The following NFIA variants were observed in gnomAD, a reference collection of about 807,000 sequenced individuals.
NFIA encodes nuclear factor 1 A-type.
A neutral mutation model predicts 62.8 loss-of-function variants in NFIA; 8 were observed. The observed-to-expected ratio is 0.13, with a 90% confidence interval of 0.07 to 0.23. NFIA has a LOEUF of 0.23. NFIA is among the 10% of genes least tolerant of loss of function. The pLI is 1.00. For missense variants in NFIA, 410 were observed against 642.1 expected (o/e 0.64, Z 3.91); for synonymous variants, 235 against 238.1 (o/e 0.99, Z 0.12).
intron 3 of NFIA, among the ~76,000 whole-genome samples, chr1:61,317,565 C>T (rs534634098): frequency 6.6e-6 from 1 of 151,680 alleles, no homozygotes; most frequent in African/African-American, 2.4e-5. Context: ...GTAGAAAAAT[C>T]AAAAAATTCT....
chr1:61,335,360 C>T (rs1466173414), intron 4 of NFIA, among the ~76,000 whole-genome samples: 1 of 151,738 alleles, frequency 6.6e-6, no homozygotes, highest in Non-Finnish European at 1.5e-5. Context: ...GTTTCGTCAC[C>T]TACGCACCCT....
At chr1:61,083,347 G>GC (rs890454817) in intron 1 of NFIA, among the ~76,000 whole-genome samples, 1 of 152,136 alleles carries the variant, frequency 6.6e-6, no homozygotes, top group African/African-American at 2.4e-5. Flanking sequence ...GCGCCCAACG[G>GC]CCCGCTCCCC....
At chr1:61,320,050 A>G (rs955758729) in intron 3 of NFIA, among the ~76,000 whole-genome samples, 1 of 151,960 alleles carries the variant, frequency 6.6e-6, no homozygotes, top group Non-Finnish European at 1.5e-5. Flanking sequence ...TTAAAAGGTT[A>G]TGCTGATTTC....
intron 2 of NFIA, among the ~76,000 whole-genome samples, chr1:61,173,435 A>T (rs334719): frequency 0.93 from 140,970 of 152,176 alleles, 65,458 homozygotes; most frequent in Middle Eastern, 0.96. Flanking sequence ...TTGCCCACGC[A>T]GGAGTGCAGT....
At chr1:61,340,286 T>C (rs1212633115) in intron 4 of NFIA, among the ~76,000 whole-genome samples, 1 of 152,268 alleles carries the variant, frequency 6.6e-6, no homozygotes, top group East Asian at 1.9e-4. Flanking sequence ...TCATCAGTTA[T>C]GCTTTCTATG....
chr1:61,412,335 A>C (rs975763475), intron 9 of NFIA, among the ~76,000 whole-genome samples: 2 of 152,178 alleles, frequency 1.3e-5, no homozygotes, highest in African/African-American at 4.8e-5. Flanking sequence ...TAAAACAAGC[A>C]GGGTTGATAG....
At chr1:61,422,858 A>G (rs1484742388) in intron 9 of NFIA, among the ~76,000 whole-genome samples, 3 of 151,964 alleles carry the variant, frequency 2.0e-5, no homozygotes, top group South Asian at 2.1e-4. Flanking sequence ...AATTCCTAGC[A>G]TCCTCAGAGG....
chr1:61,141,612 A>G (rs528154973), intron 2 of NFIA, among the ~76,000 whole-genome samples: 4 of 152,310 alleles, frequency 2.6e-5, no homozygotes, highest in African/African-American at 9.6e-5. Flanking sequence ...CAGCAGAGGG[A>G]AAAATTTTAT....
chr1:61,122,182 G>T (rs1414051790), intron 2 of NFIA, among the ~76,000 whole-genome samples: 1 of 152,068 alleles, frequency 6.6e-6, no homozygotes, highest in Non-Finnish European at 1.5e-5. Flanking sequence ...TTAATACCAC[G>T]AATGGGAACA....
At chr1:61,260,137 G>T (rs779940315) in intron 2 of NFIA, among the ~76,000 whole-genome samples, 1 of 152,210 alleles carries the variant, frequency 6.6e-6, no homozygotes, top group Admixed American at 6.5e-5. Flanking sequence ...GGTCGCAGAC[G>T]TCTTTCACAG....
chr1:61,382,948 G>T (rs1209655457), intron 6 of NFIA, among the ~76,000 whole-genome samples: 1 of 152,054 alleles, frequency 6.6e-6, no homozygotes, highest in Non-Finnish European at 1.5e-5. Context: ...CAACTTTTAG[G>T]AAACACTGGA....
intron 3 of NFIA, among the ~76,000 whole-genome samples, chr1:61,310,981 G>C (rs901637131): frequency 6.6e-6 from 1 of 152,136 alleles, no homozygotes; most frequent in African/African-American, 2.4e-5. Context: ...TGTATCCCCA[G>C]TACTGACACA....
intron 7 of NFIA, 158 bp from the exon 8 acceptor site, chr1:61,403,946 G>T: frequency 1.3e-6 from 1 of 769,652 alleles, no homozygotes; most frequent in Non-Finnish European, 2.1e-6. Flanking sequence ...GAGCCTTAAG[G>T]AAGAAAATCT....
At chr1:61,077,446 TAA>T, upstream of NFIA, 6 of 426,638 alleles carry the variant, frequency 1.4e-5, no homozygotes, top group Admixed American at 4.2e-5. Context: ...GATTTGGAGT[TAA>T]AAAAAAAATT....
At chr1:61,377,941 C>T (rs1664230854) in intron 6 of NFIA, among the ~76,000 whole-genome samples, 1 of 152,184 alleles carries the variant, frequency 6.6e-6, no homozygotes, top group East Asian at 1.9e-4. Flanking sequence ...TTATGGTGAT[C>T]CTTCCCTTCT....
At chr1:61,187,801 GAA>G (rs1429975306) in intron 2 of NFIA, among the ~76,000 whole-genome samples, 1 of 152,190 alleles carries the variant, frequency 6.6e-6, no homozygotes, top group Non-Finnish European at 1.5e-5. Flanking sequence ...TGTCCCTGCT[GAA>G]AACCAGGGCA....
intron 2 of NFIA, among the ~76,000 whole-genome samples, chr1:61,219,207 A>G (rs1332065675): frequency 6.6e-6 from 1 of 151,210 alleles, no homozygotes; most frequent in Non-Finnish European, 1.5e-5. Flanking sequence ...TCTCCAGCCT[A>G]GGTGAAAAAG....
At chr1:61,234,395 T>A (rs1300480176) in intron 2 of NFIA, among the ~76,000 whole-genome samples, 1 of 142,838 alleles carries the variant, frequency 7.0e-6, no homozygotes, top group Admixed American at 7.0e-5. Context: ...AAAAAGTGGC[T>A]CCTGAGACCA....
chr1:61,326,689 C>T (rs1015615101), intron 3 of NFIA, among the ~76,000 whole-genome samples: 1 of 152,058 alleles, frequency 6.6e-6, no homozygotes, highest in African/African-American at 2.4e-5. Flanking sequence ...TATAACTGGT[C>T]AGTATTCAGA....
Sources: allele counts gnomAD v4.1 joint callset (sites outside exome capture counted in the v4.1 genomes callset), GRCh38; gene constraint gnomAD v4.1.1; transcripts MANE v1.5; gene names NCBI Gene and HGNC (gene_info 2026-07-23, HGNC 2026-07-21).